GPR176: variants seen among roughly 807,000 people sequenced by gnomAD.
The protein encoded by GPR176 is G protein-coupled receptor 176, also known as G-protein coupled receptor 176.
In GPR176, 26 loss-of-function variants were observed where a neutral mutation model predicts 35.4. The observed-to-expected ratio is 0.74, with a 90% confidence interval of 0.54 to 1.02. The LOEUF (loss-of-function observed/expected upper bound fraction) is 1.02, where lower values mean the gene tolerates loss of function less well. Ranked by LOEUF, GPR176 falls within the 50% of genes least tolerant of loss-of-function variation. The pLI, the probability that GPR176 is intolerant of heterozygous loss-of-function variation, is 0.00. For missense variants in GPR176, 597 were observed against 665.3 expected (o/e 0.90, Z 1.13); for synonymous variants, 278 against 271.3 (o/e 1.02, Z -0.24).
intron 1 of GPR176, among the ~76,000 whole-genome samples, chr15:39,816,140 G>A (rs972177156): frequency 1.1e-4 from 17 of 152,140 alleles, no homozygotes; most frequent in Non-Finnish European, 2.5e-4. Flanking sequence ...CCAGTAGGAC[G>A]AAGCGTTGGA....
chr15:39,801,398 C>G lies in GPR176; in HGVS notation c.1282G>C (p.Val428Leu). 6.2e-7 allele frequency: 1 copy of G among 1,614,228 alleles called. No homozygotes were observed. Among genetic ancestry groups the G allele is most frequent in the South Asian group, 1.1e-5 (1 of 91,088 alleles). Residue 428 changes from valine to leucine, a missense_variant, in exon 3 of 3, where the codon GTG becomes CTG. Physicochemically the swap from Val to Leu is conservative, Grantham distance 32. Coordinates refer to ENST00000561100, the MANE Select transcript of GPR176 (RefSeq NM_007223.3). ...GGTGCCACCTGGGATACAGAGTCCACTGTGCTCAGGGGTGGGGCAGAGGGC... is the reference window on the plus strand; with the variant it reads ...GGTGCCACCTGGGATACAGAGTCCAGTGTGCTCAGGGGTGGGGCAGAGGGC... ...FAPSAPPLST[V>L]DSVSQVAPAA...
chr15:39,834,429 T>A (rs900058460), intron 1 of GPR176, among the ~76,000 whole-genome samples: 1 of 152,168 alleles, frequency 6.6e-6, no homozygotes, highest in Non-Finnish European at 1.5e-5. Flanking sequence ...ATTTTAAGGA[T>A]GAGCAAGCCC....
chr15:39,905,447 C>CAA (rs35302123), intron 1 of GPR176, among the ~76,000 whole-genome samples: 23 of 91,074 alleles, frequency 2.5e-4, no homozygotes, highest in Admixed American at 3.3e-4. Context: ...CTCGTCTCTA[C>CAA]AAAAAAAAAA....
intron 1 of GPR176, among the ~76,000 whole-genome samples, chr15:39,877,249 C>T (rs550395756): frequency 8.7e-4 from 132 of 152,148 alleles, no homozygotes; most frequent in African/African-American, 3.1e-3. Flanking sequence ...CCAGAAAACA[C>T]AAAAACAAGA....
At chr15:39,824,346 G>T (rs180877920) in intron 1 of GPR176, among the ~76,000 whole-genome samples, 33 of 152,248 alleles carry the variant, frequency 2.2e-4, no homozygotes, top group Non-Finnish European at 5.9e-5. Flanking sequence ...AACAAAGGAG[G>T]CTTCCCAGAC....
chr15:39,915,833 T>C (rs577481497), intron 1 of GPR176, among the ~76,000 whole-genome samples: 2 of 152,314 alleles, frequency 1.3e-5, no homozygotes, highest in Non-Finnish European at 2.9e-5. Flanking sequence ...TGAGCCAAGA[T>C]TGTGCCACTG....
At chr15:39,870,561 A>G (rs2032007426) in intron 1 of GPR176, among the ~76,000 whole-genome samples, 1 of 152,212 alleles carries the variant, frequency 6.6e-6, no homozygotes, top group South Asian at 2.1e-4. Flanking sequence ...CCAAAACCAG[A>G]AAACTAACAA....
intron 1 of GPR176, among the ~76,000 whole-genome samples, chr15:39,892,317 A>G (rs1295691717): frequency 1.4e-5 from 2 of 144,954 alleles, no homozygotes; most frequent in African/African-American, 5.5e-5. Flanking sequence ...TACAGTAGGC[A>G]TGGGAAGCCT....
At chr15:39,860,464 G>A (rs1285216070) in intron 1 of GPR176, among the ~76,000 whole-genome samples, 1 of 152,192 alleles carries the variant, frequency 6.6e-6, no homozygotes, top group Admixed American at 6.5e-5. Context: ...TGGCCTTCTT[G>A]CATCATACAC....
chr15:39,855,806 G>C (rs556375812), intron 1 of GPR176, among the ~76,000 whole-genome samples: 1 of 152,272 alleles, frequency 6.6e-6, no homozygotes, highest in East Asian at 1.9e-4. Flanking sequence ...ATCAAATAAA[G>C]ACAGTTAAGT....
intron 1 of GPR176, among the ~76,000 whole-genome samples, chr15:39,853,535 T>C (rs975947658): frequency 1.3e-5 from 2 of 152,180 alleles, no homozygotes; most frequent in Admixed American, 1.3e-4. Context: ...CTTGAAATGG[T>C]TAAGATGGTA....
chr15:39,868,505 T>TA (rs2031915880), intron 1 of GPR176, among the ~76,000 whole-genome samples: 1 of 152,180 alleles, frequency 6.6e-6, no homozygotes, highest in East Asian at 1.9e-4. Context: ...GGGCACATCT[T>TA]CCCTGGAACT....
At chr15:39,823,501 A>G (rs1318376407) in intron 1 of GPR176, among the ~76,000 whole-genome samples, 1 of 152,178 alleles carries the variant, frequency 6.6e-6, no homozygotes, top group Non-Finnish European at 1.5e-5. Context: ...GAATAAATGC[A>G]TAATGCAGCT....
At chr15:39,870,486 T>C (rs2032003743) in intron 1 of GPR176, among the ~76,000 whole-genome samples, 1 of 152,212 alleles carries the variant, frequency 6.6e-6, no homozygotes, top group Admixed American at 6.5e-5. Context: ...ATTCCAGTAC[T>C]TTATTGATAA....
chr15:39,834,680 C>T (rs1406036007), intron 1 of GPR176, among the ~76,000 whole-genome samples: 3 of 152,142 alleles, frequency 2.0e-5, no homozygotes, highest in Admixed American at 6.6e-5. Context: ...AATCCAAGCA[C>T]AGAAAAACAA....
At chr15:39,829,292 T>C in intron 1 of GPR176, 2 of 1,405,460 alleles carry the variant, frequency 1.4e-6, no homozygotes, top group Non-Finnish European at 9.2e-7. Flanking sequence ...GGGAAAGAAC[T>C]TGGTGAGAGT....
chr15:39,869,509 A>G (rs978171129), intron 1 of GPR176, among the ~76,000 whole-genome samples: 1 of 152,170 alleles, frequency 6.6e-6, no homozygotes, highest in Non-Finnish European at 1.5e-5. Context: ...CCCAGACAAG[A>G]GCCACTTGTC....
At chr15:39,839,971 G>A (rs1408359239) in intron 1 of GPR176, among the ~76,000 whole-genome samples, 3 of 152,190 alleles carry the variant, frequency 2.0e-5, no homozygotes, top group African/African-American at 7.2e-5. Flanking sequence ...TCATTAAAAA[G>A]TCAGGAAACA....
At chr15:39,870,890 C>A (rs1290254064) in intron 1 of GPR176, among the ~76,000 whole-genome samples, 1 of 152,044 alleles carries the variant, frequency 6.6e-6, no homozygotes, top group Non-Finnish European at 1.5e-5. Context: ...CCTAGAATTG[C>A]AAGAAATTGA....
Sources: gnomAD v4.1 joint callset for allele counts (sites outside exome capture counted in the v4.1 genomes callset) on GRCh38, gnomAD v4.1.1 for gene constraint, MANE v1.5 for transcripts, NCBI Gene and HGNC (gene_info 2026-07-23, HGNC 2026-07-21) for gene names.